ADCY2: variants seen among roughly 807,000 people sequenced by gnomAD.
ADCY2 encodes adenylate cyclase type 2.
Under a neutral mutation model 125.2 loss-of-function variants are expected in ADCY2, and 31 were observed. The ratio of observed to expected loss-of-function variants is 0.25; its 90% CI spans 0.19 to 0.33. ADCY2 has a LOEUF of 0.33. Among genes scored for constraint, ADCY2 ranks in the 10% least tolerant of loss-of-function variants. The pLI is 1.00. For synonymous variants in ADCY2, 512 were observed against 548.4 expected (o/e 0.93, Z 0.93); for missense variants, 904 against 1,418.2 (o/e 0.64, Z 5.82).
At position 7,539,685 on chromosome 5, in the gene ADCY2, G is replaced by C. The variant is rs531021584; in HGVS notation, c.570+18786G>C. On this transcript the variant is annotated intron_variant, in intron 3 of 24. Coordinates refer to ENST00000338316, the MANE Select transcript of ADCY2 (RefSeq NM_020546.3). Reference sequence around the variant, plus strand: ...GATTGACAGTCATTTTCTGGGAAGAGTCAGAAAGGAGACATTTTCAGACTG... The same window carrying C: ...GATTGACAGTCATTTTCTGGGAAGACTCAGAAAGGAGACATTTTCAGACTG... Among the ~76,000 whole-genome samples the C allele has an allele frequency of 3.3e-5, 5 of 152,338 alleles. No individual in the cohort carries two copies. In the East Asian group the frequency reaches 9.7e-4, roughly 29 times the overall value.
intron 1 of ADCY2, among the ~76,000 whole-genome samples, chr5:7,403,976 A>AC (rs55749617): frequency 0.013 from 1,898 of 151,548 alleles, 16 homozygotes; most frequent in Middle Eastern, 0.02. Flanking sequence ...ACACACACAC[A>AC]AAATTACTAA....
rs869287430 is a variant in ADCY2, at chr5:7,418,647, G to GTTTTTTT, written c.408+3897_408+3903dup. On this transcript the variant is annotated intron_variant, in intron 2 of 24. Coordinates refer to ENST00000338316, the MANE Select transcript of ADCY2 (RefSeq NM_020546.3). ...AATTAAAAACAAAAGTCTACCTTCT[G>GTTTTTTT]TTTTTTTTTTTTTTTTTTTTTTTTT... is the stretch of plus-strand genomic sequence containing the variant. Among the ~76,000 whole-genome samples, 103 of 73,768 alleles carry GTTTTTTT rather than the reference G, an allele frequency of 1.4e-3. 22 individuals carry two copies. The highest frequency in any genetic ancestry group is 5.8e-3 in the African/African-American group (93 of 16,072). 48.4% of individuals were successfully genotyped at this position (73,768 alleles called of 152,430 possible).
At chr5:7,478,239 T>C (rs1000747441) in intron 2 of ADCY2, among the ~76,000 whole-genome samples, 1 of 152,200 alleles carries the variant, frequency 6.6e-6, no homozygotes, top group African/African-American at 2.4e-5. Flanking sequence ...GGGTACACTC[T>C]AGGCCTAGTT....
chr5:7,570,213 C>T (rs534587973), intron 3 of ADCY2, among the ~76,000 whole-genome samples: 206 of 152,052 alleles, frequency 1.4e-3, no homozygotes, highest in African/African-American at 4.8e-3. Flanking sequence ...TTTCTAGGGG[C>T]AAAATGAAAA....
At chr5:7,528,598 C>G (rs187215459) in intron 3 of ADCY2, among the ~76,000 whole-genome samples, 3 of 152,204 alleles carry the variant, frequency 2.0e-5, no homozygotes, top group Non-Finnish European at 4.4e-5. Flanking sequence ...CATCCATTAA[C>G]TGTCTCTATC....
intron 7 of ADCY2, among the ~76,000 whole-genome samples, chr5:7,702,202 G>A (rs1439785807): frequency 6.6e-6 from 1 of 151,078 alleles, no homozygotes; most frequent in Non-Finnish European, 1.5e-5. Context: ...GACCAGCCTG[G>A]CCAGCATAGT....
At chr5:7,745,705 T>C (rs1411979780) in intron 15 of ADCY2, among the ~76,000 whole-genome samples, 1 of 152,208 alleles carries the variant, frequency 6.6e-6, no homozygotes, top group Non-Finnish European at 1.5e-5. Flanking sequence ...GGAACCATCA[T>C]TGGTGGTTCC....
intron 3 of ADCY2, among the ~76,000 whole-genome samples, chr5:7,551,815 T>C (rs935001622): frequency 1.3e-5 from 2 of 152,338 alleles, no homozygotes; most frequent in East Asian, 1.9e-4. Flanking sequence ...CAGTATGTAA[T>C]TATTAACTGG....
At chr5:7,688,658 T>A (rs958734288) in intron 4 of ADCY2, among the ~76,000 whole-genome samples, 2 of 152,176 alleles carry the variant, frequency 1.3e-5, no homozygotes, top group Admixed American at 1.3e-4. Context: ...TTACATACTT[T>A]GTATGTAATA....
intron 22 of ADCY2, among the ~76,000 whole-genome samples, chr5:7,809,995 C>A (rs141795051): frequency 6.6e-6 from 1 of 152,138 alleles, no homozygotes; most frequent in Non-Finnish European, 1.5e-5. Flanking sequence ...ATTTAGTGGT[C>A]GGTAGAAAAT....
intron 24 of ADCY2, among the ~76,000 whole-genome samples, chr5:7,825,016 T>C (rs1005140943): frequency 1.1e-4 from 17 of 152,188 alleles, no homozygotes; most frequent in African/African-American, 4.1e-4. Flanking sequence ...ATAACACCCC[T>C]GTGTGCCATA....
intron 1 of ADCY2, among the ~76,000 whole-genome samples, chr5:7,398,921 C>T (rs1483199694): frequency 6.6e-6 from 1 of 152,216 alleles, no homozygotes. Flanking sequence ...TCCAGATAGT[C>T]AGCGATGGCT....
chr5:7,599,347 T>A (rs1374360135), intron 3 of ADCY2, among the ~76,000 whole-genome samples: 1 of 152,174 alleles, frequency 6.6e-6, no homozygotes, highest in African/African-American at 2.4e-5. Context: ...TGAACAAAAC[T>A]GAGAGCTTAC....
intron 17 of ADCY2, among the ~76,000 whole-genome samples, chr5:7,770,137 G>T (rs115090590): frequency 0.016 from 2,384 of 152,180 alleles, 28 homozygotes; most frequent in Non-Finnish European, 0.024. Context: ...TAACAGAAAT[G>T]GACTAAAAGT....
intron 3 of ADCY2, among the ~76,000 whole-genome samples, chr5:7,543,483 T>C (rs1735056726): frequency 6.6e-6 from 1 of 152,198 alleles, no homozygotes; most frequent in South Asian, 2.1e-4. Context: ...TTATTTTCAC[T>C]CTAAAATGCT....
chr5:7,815,057 G>A (rs1261351369), intron 22 of ADCY2, among the ~76,000 whole-genome samples: 1 of 152,040 alleles, frequency 6.6e-6, no homozygotes, highest in Non-Finnish European at 1.5e-5. Flanking sequence ...GCACATTCAC[G>A]ATCCTTCCTG....
chr5:7,437,024 G>A (rs1163567889), intron 2 of ADCY2, among the ~76,000 whole-genome samples: 4 of 152,150 alleles, frequency 2.6e-5, no homozygotes, highest in African/African-American at 9.7e-5. Flanking sequence ...GGGGCCACCA[G>A]GATCAGGCCC....
At chr5:7,598,433 C>T (rs183871190) in intron 3 of ADCY2, among the ~76,000 whole-genome samples, 1 of 152,348 alleles carries the variant, frequency 6.6e-6, no homozygotes, top group African/African-American at 2.4e-5. Context: ...AAGTATGGCT[C>T]ATGGGCTACC....
intron 2 of ADCY2, among the ~76,000 whole-genome samples, chr5:7,428,249 C>T (rs955309840): frequency 2.0e-5 from 3 of 152,186 alleles, no homozygotes; most frequent in African/African-American, 7.2e-5. Context: ...AGGGAATCTC[C>T]AGCCATCTGA....
Sources: gnomAD v4.1 joint callset for allele counts (sites outside exome capture counted in the v4.1 genomes callset) on GRCh38, gnomAD v4.1.1 for gene constraint, MANE v1.5 for transcripts, NCBI Gene and HGNC (gene_info 2026-07-23, HGNC 2026-07-21) for gene names.